AMBRA1: variants seen among roughly 807,000 people sequenced by gnomAD.
AMBRA1 encodes the protein autophagy and beclin 1 regulator 1.
AMBRA1 carries 47 observed loss-of-function variants against 125.4 expected under a neutral mutation model. The ratio of observed to expected loss-of-function variants is 0.37; its 90% CI spans 0.30 to 0.48. The LOEUF is 0.48. AMBRA1 is among the 20% of genes least tolerant of loss of function. AMBRA1 has a pLI of 0.99. For synonymous variants in AMBRA1, 626 were observed against 655.5 expected, an observed-to-expected ratio of 0.95 and a Z score of 0.69; for missense variants, 1,331 against 1,693.4, an observed-to-expected ratio of 0.79 and a Z score of 3.76.
intron 1 of AMBRA1, among the ~76,000 whole-genome samples, chr11:46,577,338 G>A (rs570670285): frequency 6.6e-5 from 10 of 152,162 alleles, no homozygotes; most frequent in African/African-American, 9.6e-5. Flanking sequence ...AAAACATTAC[G>A]CTAAGTCAAA....
chr11:46,584,819 C>A lies in AMBRA1; in HGVS notation c.-121+9009G>T, dbSNP rs182806534. On this transcript the variant is annotated intron_variant, in intron 1 of 17. Coordinates refer to ENST00000683756, the MANE Select transcript of AMBRA1 (RefSeq NM_001387011.1). ...AGGCTCAGTGGCTAACACCTGTAAT[C>A]CCAACACTTTGGGAGGCTGAGATGG... Among the ~76,000 whole-genome samples the A allele has an allele frequency of 2.4e-4, 37 of 152,244 alleles. No homozygotes were observed. The Middle Eastern group carries it at 0.01, about 42-fold the overall frequency.
intron 17 of AMBRA1, among the ~76,000 whole-genome samples, chr11:46,403,602 C>T (rs1035077951): frequency 1.3e-5 from 2 of 152,170 alleles, no homozygotes; most frequent in Admixed American, 6.5e-5. Flanking sequence ...CCTCCCTTTT[C>T]GAGCTATGCT....
intron 11 of AMBRA1, among the ~76,000 whole-genome samples, chr11:46,447,749 T>C (rs899448967): frequency 1.6e-4 from 24 of 151,268 alleles, no homozygotes; most frequent in Middle Eastern, 3.4e-3. Context: ...GATAGATAGA[T>C]AGATAGATAG....
chr11:46,543,896 C>T, intron 6 of AMBRA1, 79 bp downstream of exon 6: 1 of 1,180,028 alleles, frequency 8.5e-7, no homozygotes, highest in African/African-American at 1.5e-5. Flanking sequence ...AATTAAAATC[C>T]AATATAATCA....
At chr11:46,543,812 T>C (rs1180070302) in intron 6 of AMBRA1, among the ~76,000 whole-genome samples, 163 bp downstream of exon 6, 1 of 152,248 alleles carries the variant, frequency 6.6e-6, no homozygotes, top group Non-Finnish European at 1.5e-5. Context: ...GTCAAGATTA[T>C]GGCTATAACC....
intron 11 of AMBRA1, among the ~76,000 whole-genome samples, chr11:46,489,226 C>T (rs1168190945): frequency 6.6e-6 from 1 of 152,100 alleles, no homozygotes; most frequent in African/African-American, 2.4e-5. Context: ...GCTCTCCCCA[C>T]CCCACAACAG....
intron 11 of AMBRA1, among the ~76,000 whole-genome samples, chr11:46,470,514 G>A (rs1029977170): frequency 6.6e-6 from 1 of 151,188 alleles, no homozygotes. Context: ...GCGTGAACCC[G>A]GGAGGCAGAG....
chr11:46,540,172 T>C (rs1952669503), intron 7 of AMBRA1, among the ~76,000 whole-genome samples: 1 of 152,182 alleles, frequency 6.6e-6, no homozygotes, highest in African/African-American at 2.4e-5. Flanking sequence ...ATAGAGTTTA[T>C]TTAAACCACT....
At chr11:46,511,160 G>A (rs1388203186) in intron 8 of AMBRA1, among the ~76,000 whole-genome samples, 2 of 152,176 alleles carry the variant, frequency 1.3e-5, no homozygotes, top group African/African-American at 4.8e-5. Flanking sequence ...CTGGGGATGA[G>A]ATGCCTATTG....
At chr11:46,518,429 C>CAAAAAAAAAAAAAAAAAAAAAAAAAA in intron 7 of AMBRA1, 1 of 58,362 alleles carries the variant, frequency 1.7e-5, no homozygotes. Flanking sequence ...GACTCCGTCT[C>CAAAAAAAAAAAAAAAAAAAAAAAAAA]AAAAAAAAAA....
intron 9 of AMBRA1, among the ~76,000 whole-genome samples, chr11:46,503,496 T>A (rs1347397522): frequency 6.6e-6 from 1 of 152,180 alleles, no homozygotes; most frequent in African/African-American, 2.4e-5. Context: ...ACTGCAAGAA[T>A]TACCAGTGTG....
chr11:46,587,180 G>A (rs1363538091), intron 1 of AMBRA1, among the ~76,000 whole-genome samples: 1 of 152,120 alleles, frequency 6.6e-6, no homozygotes, highest in Admixed American at 6.6e-5. Flanking sequence ...AGGAGTTCGA[G>A]ATCTGCCTGG....
chr11:46,459,767 C>G (rs1016165048), intron 11 of AMBRA1, among the ~76,000 whole-genome samples: 4 of 149,614 alleles, frequency 2.7e-5, no homozygotes, highest in Non-Finnish European at 6.0e-5. Flanking sequence ...CACACACACA[C>G]ACACACACCC....
At chr11:46,429,811 T>C (rs1015405231) in intron 14 of AMBRA1, among the ~76,000 whole-genome samples, 1 of 152,150 alleles carries the variant, frequency 6.6e-6, no homozygotes. Context: ...GGCAGTTTAG[T>C]GTTTTGAGAA....
intron 1 of AMBRA1, among the ~76,000 whole-genome samples, chr11:46,588,489 T>C (rs2044478156): frequency 2.0e-5 from 3 of 152,016 alleles, no homozygotes; most frequent in Admixed American, 6.6e-5. Flanking sequence ...TTAAGTATTA[T>C]GATGGGCCGG....
intron 1 of AMBRA1, among the ~76,000 whole-genome samples, chr11:46,577,631 C>T (rs1234128677): frequency 6.6e-6 from 1 of 151,852 alleles, no homozygotes; most frequent in African/African-American, 2.4e-5. Context: ...TTCAGTAAAT[C>T]CTTATTCTAA....
At chr11:46,442,695 C>T (rs897963245) in intron 12 of AMBRA1, among the ~76,000 whole-genome samples, 1 of 152,140 alleles carries the variant, frequency 6.6e-6, no homozygotes, top group African/African-American at 2.4e-5. Flanking sequence ...CAGATATCAA[C>T]CATACCATTG....
At chr11:46,523,574 TA>T (rs2135102221) in intron 7 of AMBRA1, among the ~76,000 whole-genome samples, 1 of 152,342 alleles carries the variant, frequency 6.6e-6, no homozygotes, top group East Asian at 1.9e-4. Context: ...CCCTGTACTA[TA>T]ATCAGAAGAT....
At chr11:46,493,264 A>G (rs1385554258) in intron 11 of AMBRA1, among the ~76,000 whole-genome samples, 1 of 152,194 alleles carries the variant, frequency 6.6e-6, no homozygotes, top group African/African-American at 2.4e-5. Flanking sequence ...GATCTGGCTC[A>G]TGAGTATCTC....
Sources: allele counts gnomAD v4.1 joint callset (sites outside exome capture counted in the v4.1 genomes callset), GRCh38; gene constraint gnomAD v4.1.1; transcripts MANE v1.5; gene names NCBI Gene and HGNC (gene_info 2026-07-23, HGNC 2026-07-21).